The following ASIC2 variants were observed in gnomAD, a reference collection of about 807,000 sequenced individuals.
The protein encoded by ASIC2 is acid sensing ion channel subunit 2.
ASIC2 carries 25 observed loss-of-function variants against 57.3 expected under a neutral mutation model. The ratio of observed to expected loss-of-function variants is 0.44; its 90% CI spans 0.32 to 0.61. The LOEUF is 0.61. Ranked by LOEUF, ASIC2 falls within the 20% of genes least tolerant of loss-of-function variation. ASIC2 has a pLI of 0.06. For missense variants in ASIC2, 641 were observed against 738.1 expected (o/e 0.87, Z 1.52); for synonymous variants, 319 against 307.5 (o/e 1.04, Z -0.39).
intron 1 of ASIC2, among the ~76,000 whole-genome samples, chr17:33,434,065 G>T (rs1303908102): frequency 6.6e-6 from 1 of 151,756 alleles, no homozygotes; most frequent in Non-Finnish European, 1.5e-5. Flanking sequence ...AGGCTTGTCA[G>T]TATCCAAGAG....
At chr17:33,393,884 GA>G (rs1459974253) in intron 1 of ASIC2, among the ~76,000 whole-genome samples, 1 of 152,172 alleles carries the variant, frequency 6.6e-6, no homozygotes, top group Non-Finnish European at 1.5e-5. Context: ...AAGGGTCTGG[GA>G]CAGGGGACCA....
At chr17:33,322,432 C>T (rs545465853) in intron 1 of ASIC2, among the ~76,000 whole-genome samples, 21 of 152,246 alleles carry the variant, frequency 1.4e-4, no homozygotes, top group Non-Finnish European at 2.2e-4. Flanking sequence ...TTTGTAATTC[C>T]CATCGGTTCA....
At chr17:33,912,900 AC>A (rs1395131835) in intron 1 of ASIC2, among the ~76,000 whole-genome samples, 1 of 151,810 alleles carries the variant, frequency 6.6e-6, no homozygotes, top group Non-Finnish European at 1.5e-5. Flanking sequence ...AATCGCTTGA[AC>A]CCAGGAGGCA....
intron 1 of ASIC2, among the ~76,000 whole-genome samples, chr17:33,524,636 G>A (rs1250526457): frequency 6.6e-6 from 1 of 152,194 alleles, no homozygotes; most frequent in Non-Finnish European, 1.5e-5. Flanking sequence ...CTGGCTTGGT[G>A]TGGCAGCTTA....
In ASIC2 at chr17:33,850,412, C is replaced by T. The variant is rs141469423; in HGVS notation, c.555+305566G>A. Among the ~76,000 whole-genome samples, 202 of 152,314 alleles carry T rather than the reference C, an allele frequency of 1.3e-3. 1 individual carries two copies. The highest frequency in any genetic ancestry group is 6.8e-3 in the Middle Eastern group (2 of 294). Reference sequence around the variant, plus strand: ...CATTCAGAAAGACAGTTAATGGGTACCATTTTTCTCCATGTTTAGTTCTTC... The same window carrying T: ...CATTCAGAAAGACAGTTAATGGGTATCATTTTTCTCCATGTTTAGTTCTTC... On this transcript the variant is annotated intron_variant, in intron 1 of 9. Coordinates refer to the ASIC2 transcript ENST00000359872.
intron 1 of ASIC2, among the ~76,000 whole-genome samples, chr17:33,115,738 C>G (rs2092278395): frequency 6.6e-6 from 1 of 152,186 alleles, no homozygotes; most frequent in African/African-American, 2.4e-5. Flanking sequence ...TAGTGTCTAT[C>G]AAAGTGTGTA....
intron 1 of ASIC2, among the ~76,000 whole-genome samples, chr17:34,022,629 GAAAAAAAAAAAC>G (rs1011889586): frequency 3.8e-4 from 34 of 90,268 alleles, no homozygotes; most frequent in African/African-American, 7.5e-4. Context: ...AATTTCCCAT[GAAAAAAAAAAAC>G]AAAAAAAAAA....
At chr17:33,033,786 T>A (rs1228279497) in intron 3 of ASIC2, among the ~76,000 whole-genome samples, 1 of 152,142 alleles carries the variant, frequency 6.6e-6, no homozygotes, top group Middle Eastern at 3.2e-3. Flanking sequence ...GAGTTGGGAC[T>A]CAGGGTGCCC....
intron 1 of ASIC2, among the ~76,000 whole-genome samples, chr17:34,025,205 C>G (rs562561879): frequency 6.6e-6 from 1 of 152,230 alleles, no homozygotes; most frequent in Non-Finnish European, 1.5e-5. Flanking sequence ...GAGTCTTTGT[C>G]TGGAAGGTAT....
intron 1 of ASIC2, among the ~76,000 whole-genome samples, chr17:34,046,908 T>C (rs941309726): frequency 6.6e-6 from 1 of 152,078 alleles, no homozygotes. Context: ...TTCAATCCTC[T>C]CCCTCCCAAT....
intron 1 of ASIC2, among the ~76,000 whole-genome samples, chr17:33,966,875 C>T (rs959379485): frequency 5.3e-5 from 8 of 152,188 alleles, no homozygotes; most frequent in African/African-American, 1.9e-4. Context: ...TATTCTGGTA[C>T]ATCAGTCGTT....
chr17:33,856,250 C>T (rs1384207096), intron 1 of ASIC2, among the ~76,000 whole-genome samples: 4 of 152,174 alleles, frequency 2.6e-5, no homozygotes, highest in Admixed American at 6.5e-5. Context: ...TAGGAAAAAG[C>T]ATCAATATCA....
At chr17:33,141,462 TG>T (rs2142018035) in intron 1 of ASIC2, among the ~76,000 whole-genome samples, 1 of 152,316 alleles carries the variant, frequency 6.6e-6, no homozygotes, top group East Asian at 1.9e-4. Flanking sequence ...CGGCATAAAA[TG>T]TCCCACTAAA....
At chr17:33,196,751 T>G (rs575586525) in intron 1 of ASIC2, among the ~76,000 whole-genome samples, 2 of 152,340 alleles carry the variant, frequency 1.3e-5, no homozygotes, top group East Asian at 1.9e-4. Context: ...AAAATTCAAT[T>G]CTAGCAGGTG....
intron 1 of ASIC2, among the ~76,000 whole-genome samples, chr17:33,548,871 G>T: frequency 6.6e-6 from 1 of 151,874 alleles, no homozygotes. Context: ...ACTTCTTCCC[G>T]TCATTCACAA....
At chr17:33,722,213 A>G (rs1403847555) in intron 1 of ASIC2, among the ~76,000 whole-genome samples, 1 of 152,152 alleles carries the variant, frequency 6.6e-6, no homozygotes, top group African/African-American at 2.4e-5. Flanking sequence ...GCTTTTAAAA[A>G]GGGGAGTTCC....
chr17:33,835,314 T>C (rs918125038), intron 1 of ASIC2, among the ~76,000 whole-genome samples: 8 of 152,216 alleles, frequency 5.3e-5, no homozygotes, highest in African/African-American at 1.9e-4. Flanking sequence ...CTGTTTTTCA[T>C]CTCTTACACA....
chr17:33,090,063 T>C (rs1257160546), intron 2 of ASIC2, among the ~76,000 whole-genome samples: 1 of 152,132 alleles, frequency 6.6e-6, no homozygotes, highest in African/African-American at 2.4e-5. Context: ...ACCCACCCCT[T>C]CCCTAGCCTT....
chr17:33,102,714 A>T (rs7226016), intron 2 of ASIC2, among the ~76,000 whole-genome samples: 2 of 151,946 alleles, frequency 1.3e-5, no homozygotes, highest in Admixed American at 6.6e-5. Flanking sequence ...AGATGTTCTC[A>T]GTTCCAATCC....
Sources: allele counts gnomAD v4.1 joint callset (sites outside exome capture counted in the v4.1 genomes callset), GRCh38; gene constraint gnomAD v4.1.1; transcripts MANE v1.5; gene names NCBI Gene and HGNC (gene_info 2026-07-23, HGNC 2026-07-21).